The following IQSEC1 variants were observed in gnomAD, a reference collection of about 807,000 sequenced individuals.
The protein encoded by IQSEC1 is IQ motif and SEC7 domain-containing protein 1.
In IQSEC1, 31 loss-of-function variants were observed where a neutral mutation model predicts 91.0. The observed-to-expected ratio is 0.34, with a 90% CI of 0.26 to 0.46. The LOEUF (loss-of-function observed/expected upper bound fraction) is 0.46, where lower values mean the gene tolerates loss of function less well. Among genes scored for constraint, IQSEC1 ranks in the 20% least tolerant of loss-of-function variants. IQSEC1 has a pLI of 1.00. For synonymous variants in IQSEC1, 699 were observed against 662.6 expected (o/e 1.05, Z -0.84); for missense variants, 1,388 against 1,575.6 (o/e 0.88, Z 2.02).
chr3:13,080,598 G>T (rs1054342236), intron 2 of IQSEC1, among the ~76,000 whole-genome samples: 1 of 152,070 alleles, frequency 6.6e-6, no homozygotes, highest in African/African-American at 2.4e-5. Context: ...GAGCCCTGGG[G>T]ACATGGACAT....
At chr3:13,139,023 C>A (rs1038659624) in intron 2 of IQSEC1, among the ~76,000 whole-genome samples, 2 of 152,132 alleles carry the variant, frequency 1.3e-5, no homozygotes, top group Non-Finnish European at 2.9e-5. Flanking sequence ...TGCCTCACAA[C>A]CAGCATGGGA....
At chr3:13,036,113 G>C (rs780137617) in intron 1 of IQSEC1, among the ~76,000 whole-genome samples, 6 of 152,206 alleles carry the variant, frequency 3.9e-5, no homozygotes, top group African/African-American at 1.4e-4. Context: ...CCAAGTTGCA[G>C]TTCTATGGGA....
rs916262738 is a variant in IQSEC1 at position 12,909,319 on chromosome 3, C to T, written c.2532G>A (p.Arg844=). ...QDRKKFTDDL[R]ESIAEVQEME... is the part of the protein sequence containing the mutation. ...TCTCTTGGACTTCCGCAATGGACTC[C>T]CGCAGGTCATCGGTGAATTTCTTCC... The change falls in exon 11 of 14, where the codon CGG becomes CGA. Residue 844 remains arginine (R), a synonymous_variant. Coordinates refer to ENST00000613206, the MANE Select transcript of IQSEC1 (RefSeq NM_001134382.3). This position sits in a 1 kb window ranked among gnomAD's most constrained non-coding sequence, Gnocchi z 4.9. 2 of 1,614,098 alleles carry T rather than the reference C, an allele frequency of 1.2e-6. 1 individual carries two copies. The highest frequency in any genetic ancestry group is 2.7e-5 in the African/African-American group (2 of 74,938).
chr3:12,910,075 G>A (rs1695420613), intron 10 of IQSEC1, among the ~76,000 whole-genome samples: 1 of 152,360 alleles, frequency 6.6e-6, no homozygotes, highest in South Asian at 2.1e-4. Flanking sequence ...TGTATATGCA[G>A]CCCATTACTG....
chr3:13,256,945 G>T (rs1695296862), intron 1 of IQSEC1, among the ~76,000 whole-genome samples: 1 of 152,106 alleles, frequency 6.6e-6, no homozygotes, highest in Non-Finnish European at 1.5e-5. Context: ...AAACAGGCCT[G>T]GAGCTCTGCC....
chr3:12,982,142 C>G (rs1474191309), intron 1 of IQSEC1, among the ~76,000 whole-genome samples: 2 of 152,176 alleles, frequency 1.3e-5, no homozygotes, highest in African/African-American at 4.8e-5. Context: ...AAGCACTGTT[C>G]TGCCAAAATC....
intron 1 of IQSEC1, among the ~76,000 whole-genome samples, chr3:13,220,995 A>G (rs1238801508): frequency 6.6e-6 from 1 of 152,244 alleles, no homozygotes; most frequent in Non-Finnish European, 1.5e-5. Flanking sequence ...GGGAAACGAC[A>G]TAGGGGAACA....
At chr3:13,060,037 G>T (rs1705010850) in intron 1 of IQSEC1, among the ~76,000 whole-genome samples, 1 of 152,216 alleles carries the variant, frequency 6.6e-6, no homozygotes, top group Admixed American at 6.5e-5. Context: ...CAGCGGGAAC[G>T]ACTGTGCTGA....
chr3:13,200,639 G>T (rs1276650916), intron 1 of IQSEC1, among the ~76,000 whole-genome samples: 12 of 152,246 alleles, frequency 7.9e-5, no homozygotes, highest in Admixed American at 7.9e-4. Context: ...GGCCAAGAGA[G>T]TGGGGAAGAA....
Position 13,207,754 on chromosome 3 carries a change from C to G in IQSEC1, c.273-43621G>C, listed in dbSNP as rs890980444. 1.3e-5 allele frequency among the ~76,000 whole-genome samples: 2 copies of G among 152,160 alleles called. No individual in the cohort carries two copies. The highest frequency in any genetic ancestry group is 4.8e-5 in the African/African-American group (2 of 41,442). ...CCATCGCCAGCTCTCCCGGGAGGCTCTCTCTCACCATCGCATCTAAACCAA... is the reference window on the plus strand; with the variant it reads ...CCATCGCCAGCTCTCCCGGGAGGCTGTCTCTCACCATCGCATCTAAACCAA... On this transcript the variant is annotated intron_variant, in intron 1 of 15. Coordinates refer to the IQSEC1 transcript ENST00000648114. This position sits in a 1 kb window ranked among gnomAD's most constrained non-coding sequence, Gnocchi z 4.8.
chr3:13,150,254 A>T (rs1706971430), intron 2 of IQSEC1, among the ~76,000 whole-genome samples: 1 of 152,238 alleles, frequency 6.6e-6, no homozygotes, highest in Non-Finnish European at 1.5e-5. Context: ...GAAGGCATCT[A>T]AGAAATTATA....
chr3:13,103,645 C>T lies in IQSEC1; in HGVS notation c.303-56123G>A, dbSNP rs142408825. Among the ~76,000 whole-genome samples the T allele has an allele frequency of 7.2e-5, 11 of 152,232 alleles. No homozygotes were observed. The East Asian group carries it at 7.8e-4, about 11-fold the overall frequency. Reference sequence around the variant, plus strand: ...TGCAGGATGAGCTTCACATGCAGCACGCACTGGGGGTCTGGCTGGCAGGGG... The same window carrying T: ...TGCAGGATGAGCTTCACATGCAGCATGCACTGGGGGTCTGGCTGGCAGGGG... On this transcript the variant is annotated intron_variant, in intron 2 of 15. Coordinates refer to the IQSEC1 transcript ENST00000648114. This position sits in a 1 kb window ranked among gnomAD's most constrained non-coding sequence, Gnocchi z 4.1.
At chr3:12,971,059 A>G (rs1304527164) in intron 1 of IQSEC1, among the ~76,000 whole-genome samples, 1 of 152,204 alleles carries the variant, frequency 6.6e-6, no homozygotes, top group Non-Finnish European at 1.5e-5. Context: ...ATGTATTGTC[A>G]ATGGCTTCTT....
At chr3:13,069,465 G>T (rs1705343344) in intron 1 of IQSEC1, among the ~76,000 whole-genome samples, 1 of 152,138 alleles carries the variant, frequency 6.6e-6, no homozygotes, top group Non-Finnish European at 1.5e-5. Flanking sequence ...GACCCACCAG[G>T]GCTTCGCTTC....
chr3:13,046,351 G>A (rs1704493270), intron 1 of IQSEC1, among the ~76,000 whole-genome samples: 2 of 152,244 alleles, frequency 1.3e-5, no homozygotes, highest in African/African-American at 4.8e-5. Context: ...ACTTGGCTGT[G>A]TCCTCCAGGA....
intron 2 of IQSEC1, among the ~76,000 whole-genome samples, chr3:13,084,105 G>C (rs967788186): frequency 2.0e-5 from 3 of 152,330 alleles, no homozygotes; most frequent in South Asian, 4.1e-4. Context: ...TTTCTAGGGT[G>C]GGGTGGAAGG....
At chr3:13,149,307 C>A (rs1706950881) in intron 2 of IQSEC1, among the ~76,000 whole-genome samples, 1 of 152,098 alleles carries the variant, frequency 6.6e-6, no homozygotes, top group African/African-American at 2.4e-5. Context: ...GAGCCTGGGT[C>A]CGCAGGATTT....
intron 2 of IQSEC1, among the ~76,000 whole-genome samples, chr3:13,101,391 C>T (rs1222480085): frequency 6.8e-6 from 1 of 147,564 alleles, no homozygotes; most frequent in East Asian, 2.0e-4. Flanking sequence ...TGCACTCCAG[C>T]CTGGGAGACA....
rs1240349363 is a variant in IQSEC1 at position 12,900,450 on chromosome 3, A to AGTATATAT, written c.*525_*532dup. On this transcript the variant is annotated 3_prime_UTR_variant, in exon 14 of 14. Coordinates refer to ENST00000613206, the MANE Select transcript of IQSEC1 (RefSeq NM_001134382.3). The stretch of plus-strand genomic sequence containing the variant: ...TTTCACACACAAGTACTACCTATAC[A>AGTATATAT]GTATATATATATATATATTTATATA... 23 of 745,914 alleles carry AGTATATAT rather than the reference A, an allele frequency of 3.1e-5. No individual in the cohort carries two copies. The highest frequency in any genetic ancestry group is 7.0e-4 in the Middle Eastern group (1 of 1,430). 46.2% of individuals were successfully genotyped at this position (745,914 alleles called of 1,614,324 possible). A position where few individuals can be genotyped will look rare whatever the true frequency, so the allele number is the denominator to read the frequency against.
Sources: gnomAD v4.1 joint callset for allele counts (sites outside exome capture counted in the v4.1 genomes callset) on GRCh38, gnomAD v4.1.1 for gene constraint, Gnocchi (gnomAD v3.1) non-coding constraint, MANE v1.5 for transcripts, NCBI Gene and HGNC (gene_info 2026-07-23, HGNC 2026-07-21) for gene names.